The following AXDND1 variants were observed in gnomAD, a reference collection of about 807,000 sequenced individuals.
AXDND1 encodes axonemal dynein light chain domain-containing protein 1.
In AXDND1, 110 loss-of-function variants were observed where a neutral mutation model predicts 137.5. The ratio of observed to expected loss-of-function variants is 0.80; its 90% confidence interval spans 0.69 to 0.94. The LOEUF is 0.94. Among genes scored for constraint, AXDND1 ranks in the 40% least tolerant of loss-of-function variants. AXDND1 has a pLI of 0.00. For synonymous variants in AXDND1, 414 were observed against 399.7 expected (o/e 1.04, Z -0.43); for missense variants, 1,191 against 1,169.8 (o/e 1.02, Z -0.26).
chr1:179,551,367 G>T (rs1321315084), intron 25 of AXDND1: 1 of 1,614,154 alleles, frequency 6.2e-7, no homozygotes, highest in South Asian at 1.1e-5. Flanking sequence ...TATCGAAGCT[G>T]AACGGCAGCA....
intron 21 of AXDND1, among the ~76,000 whole-genome samples, chr1:179,510,538 T>A (rs753451669): frequency 6.6e-6 from 1 of 152,192 alleles, no homozygotes; most frequent in Non-Finnish European, 1.5e-5. Flanking sequence ...TGGCAAGAAT[T>A]ATTGTGAAAT....
At chr1:179,481,131 C>G (rs1163095720) in intron 17 of AXDND1, among the ~76,000 whole-genome samples, 1 of 152,110 alleles carries the variant, frequency 6.6e-6, no homozygotes, top group Admixed American at 6.5e-5. Flanking sequence ...TGTCCCTCCC[C>G]ACTTTCCCCA....
At chr1:179,427,240 T>A (rs1656712416) in intron 12 of AXDND1, among the ~76,000 whole-genome samples, 1 of 152,098 alleles carries the variant, frequency 6.6e-6, no homozygotes, top group South Asian at 2.1e-4. Context: ...ACACAAAATC[T>A]TCACCAAGAG....
chr1:179,521,151 G>A (rs1474400516), intron 21 of AXDND1, among the ~76,000 whole-genome samples: 1 of 151,956 alleles, frequency 6.6e-6, no homozygotes, highest in African/African-American at 2.4e-5. Flanking sequence ...CAGAGACAGG[G>A]TCTTGCTATG....
At chr1:179,368,708 G>T in intron 2 of AXDND1, 92 bp from the exon 3 acceptor site, 1 of 1,005,428 alleles carries the variant, frequency 9.9e-7, no homozygotes, top group Non-Finnish European at 1.5e-6. Context: ...CTCTCTGTTA[G>T]AAACAGATGG....
intron 25 of AXDND1, among the ~76,000 whole-genome samples, chr1:179,554,191 G>A (rs913895561): frequency 5.3e-5 from 8 of 152,078 alleles, no homozygotes; most frequent in African/African-American, 1.7e-4. Context: ...TGGGATTACA[G>A]GTGTGAGCCA....
chr1:179,377,901 G>A (rs1017038518), intron 4 of AXDND1, among the ~76,000 whole-genome samples: 2 of 152,140 alleles, frequency 1.3e-5, no homozygotes, highest in African/African-American at 4.8e-5. Context: ...GGCCGGGCAT[G>A]GTGGCTCATG....
intron 11 of AXDND1, among the ~76,000 whole-genome samples, chr1:179,407,505 G>A (rs1014132445): frequency 3.3e-5 from 5 of 152,142 alleles, no homozygotes; most frequent in South Asian, 4.1e-4. Context: ...AATTACAGGC[G>A]TGAAACACTG....
intron 25 of AXDND1, among the ~76,000 whole-genome samples, chr1:179,540,603 T>C (rs1672033126): frequency 6.6e-6 from 1 of 152,176 alleles, no homozygotes; most frequent in Non-Finnish European, 1.5e-5. Context: ...TGCCAGCCAG[T>C]GCTCTCCTGT....
chr1:179,377,794 A>G (rs933350464), intron 4 of AXDND1, among the ~76,000 whole-genome samples: 6 of 152,202 alleles, frequency 3.9e-5, no homozygotes, highest in Admixed American at 1.3e-4. Context: ...GTGGAAATCA[A>G]ATTGCAGGAC....
intron 11 of AXDND1, 99 bp downstream of exon 11, chr1:179,395,301 TA>T (rs1650879339): frequency 5.7e-6 from 5 of 881,840 alleles, no homozygotes; most frequent in Non-Finnish European, 8.7e-6. Flanking sequence ...TCTTGAATTC[TA>T]AAATCACATA....
intron 4 of AXDND1, among the ~76,000 whole-genome samples, chr1:179,372,898 G>A (rs1668184862): frequency 6.6e-6 from 1 of 152,036 alleles, no homozygotes; most frequent in Admixed American, 6.6e-5. Context: ...GGTCAGGCTG[G>A]TCTCAAACTC....
In AXDND1 at chr1:179,370,012, AC is replaced by A; in HGVS notation, c.311del (p.Pro104LeufsTer10). 6.2e-7 allele frequency: 1 copy of A among 1,614,004 alleles called. No individual in the cohort carries two copies. Among genetic ancestry groups the A allele is most frequent in the Non-Finnish European group, 8.5e-7 (1 of 1,179,974 alleles). On this transcript the variant is annotated frameshift_variant, in exon 4 of 26. Coordinates refer to ENST00000367618, the MANE Select transcript of AXDND1 (RefSeq NM_144696.6). LOFTEE classifies it high-confidence loss of function. ...CGCCTTGTAGACCATGTCTGGCATC[AC>A]CCTGTTCGAAGGAATAAATTCAAAT... Reference protein sequence around the residue: ...LPRLVDHVWHHPVRRNKFKYL... With the variant: ...LPRLVDHVWHXPVRRNKFKYL...
chr1:179,430,610 A>G lies in AXDND1; in HGVS notation c.1487+4A>G. 6.2e-7 allele frequency: 1 copy of G among 1,604,354 alleles called. No individual in the cohort carries two copies. The highest frequency in any genetic ancestry group is 8.5e-7 in the Non-Finnish European group (1 of 1,177,136). On this transcript the variant is annotated splice_donor_region_variant and intron_variant, in intron 14 of 25. Coordinates refer to ENST00000367618, the MANE Select transcript of AXDND1 (RefSeq NM_144696.6). ...TCAAATGGCAGGAGTTCTTCAAGTG[A>G]GTCACCAAGAATCTTGTTTTTCTGA...
chr1:179,534,836 A>C lies in AXDND1; in HGVS notation c.2905A>C (p.Thr969Pro). 2 of 1,610,810 alleles carry C rather than the reference A, an allele frequency of 1.2e-6. No individual in the cohort carries two copies. The change falls in exon 25 of 26, where the codon ACA becomes CCA. Residue 969 changes from threonine to proline, a missense_variant. By Grantham distance (38) the Thr-to-Pro change is conservative. Transcript: ENST00000367618. ...KNKDLEELVM[T>P]SRKESKEEKE... ...TAAAGATCTAGAGGAATTAGTCATG[A>C]CATCAAGAAAGGAGTCTAAAGAAGA...
intron 20 of AXDND1, among the ~76,000 whole-genome samples, chr1:179,495,021 G>A (rs1667301617): frequency 6.6e-6 from 1 of 152,066 alleles, no homozygotes; most frequent in Non-Finnish European, 1.5e-5. Flanking sequence ...AACCATATAT[G>A]TCTTGGTATT....
chr1:179,541,342 G>C (rs559156015), intron 25 of AXDND1, among the ~76,000 whole-genome samples: 7 of 152,282 alleles, frequency 4.6e-5, no homozygotes, highest in African/African-American at 9.6e-5. Context: ...TGCACACACT[G>C]TCCAGCCAGT....
At chr1:179,475,919 T>C (rs1158958041) in intron 17 of AXDND1, among the ~76,000 whole-genome samples, 1 of 152,202 alleles carries the variant, frequency 6.6e-6, no homozygotes, top group Non-Finnish European at 1.5e-5. Context: ...GATTGGATCA[T>C]GGGGGCTGTT....
In AXDND1 at chr1:179,378,621, T is replaced by C; in HGVS notation, c.375-16T>C. 1.3e-6 allele frequency: 2 copies of C among 1,555,774 alleles called. No homozygotes were observed. The highest frequency in any genetic ancestry group is 1.2e-5 in the South Asian group (1 of 82,804). ...TAGAAAATTTGTTTTGTAAATATAT[T>C]TTTCTTACTTTTTAGGGATATTTCT... On this transcript the variant is annotated splice_polypyrimidine_tract_variant and intron_variant, in intron 4 of 25. Coordinates refer to ENST00000367618, the MANE Select transcript of AXDND1 (RefSeq NM_144696.6).
Sources: allele counts gnomAD v4.1 joint callset (sites outside exome capture counted in the v4.1 genomes callset), GRCh38; gene constraint gnomAD v4.1.1; transcripts MANE v1.5; gene names NCBI Gene and HGNC (gene_info 2026-07-23, HGNC 2026-07-21).